ZNF721: variants seen among roughly 807,000 people sequenced by gnomAD.
The protein encoded by ZNF721 is zinc finger protein 721.
Under a neutral mutation model 2.4 loss-of-function variants are expected in ZNF721, and 2 were observed. The observed-to-expected ratio is 0.82, with a 90% confidence interval of 0.34 to 2.58. The LOEUF is 2.58. Ranked by LOEUF, ZNF721 falls within the 30% of genes most tolerant of loss-of-function variation. The pLI, the probability that ZNF721 is intolerant of heterozygous loss-of-function variation, is 0.11. For missense variants in ZNF721, 1,187 were observed against 1,085.5 expected, an observed-to-expected ratio of 1.09 and a Z score of -1.31; for synonymous variants, 398 against 381.8, an observed-to-expected ratio of 1.04 and a Z score of -0.50.
At position 443,390 on chromosome 4, in the gene ZNF721, T is replaced by G. The variant is rs1560224224; in HGVS notation, c.1077A>C (p.Lys359Asn). ...YVHRRIHTGE[K>N]PYKCEDCGKA... ...TGCCACAGTCTTCGCATTTGTAAGG[T>G]TTCTCTCCAGTATGAATTCTCCTAT... The change falls in exon 3 of 3, where the codon AAA (lysine) becomes AAC (asparagine). Residue 359 changes from lysine (K) to asparagine (N), a missense_variant. Transcript: ENST00000511833. 5.6e-6 allele frequency: 9 copies of G among 1,614,106 alleles called. No homozygotes were observed. The highest frequency in any genetic ancestry group is 7.6e-6 in the Non-Finnish European group (9 of 1,179,986).
intron 1 of ZNF721, among the ~76,000 whole-genome samples, chr4:492,064 GA>G (rs1716036390): frequency 6.6e-6 from 1 of 151,836 alleles, no homozygotes; most frequent in Non-Finnish European, 1.5e-5. Flanking sequence ...TCGGGAGGCT[GA>G]GGCAGGAGAA....
At position 481,586 on chromosome 4, in the gene ZNF721, T is replaced by C. The variant is rs1280525839; in HGVS notation, c.-93-8885A>G. 2.0e-5 allele frequency among the ~76,000 whole-genome samples: 3 copies of C among 151,906 alleles called. No homozygotes were observed. In the South Asian group the frequency reaches 6.2e-4, roughly 32 times the overall value. On this transcript the variant is annotated intron_variant, in intron 1 of 2. Coordinates refer to ENST00000511833, the MANE Select transcript of ZNF721 (RefSeq NM_133474.4). ...TTGTTCTTTTCTTTCTTTTTTTTTT[T>C]TTTTGACAGTCTCCCTCTGTCGCCA...
At chr4:468,008 G>C (rs1348771884) in intron 2 of ZNF721, among the ~76,000 whole-genome samples, 3 of 151,834 alleles carry the variant, frequency 2.0e-5, no homozygotes, top group Admixed American at 2.0e-4. Context: ...TGCCGGGTGC[G>C]GTGGCTCACA....
intron 2 of ZNF721, among the ~76,000 whole-genome samples, chr4:470,449 A>G (rs1553867442): frequency 6.6e-6 from 1 of 152,176 alleles, no homozygotes; most frequent in African/African-American, 2.4e-5. Context: ...TGCAAGCGAT[A>G]TACCTGATAA....
intron 2 of ZNF721, among the ~76,000 whole-genome samples, chr4:455,413 CA>C (rs1281765825): frequency 2.0e-5 from 3 of 151,992 alleles, no homozygotes; most frequent in African/African-American, 4.8e-5. Flanking sequence ...ACTAAAAATA[CA>C]AAATTAGCTG....
intron 2 of ZNF721, among the ~76,000 whole-genome samples, chr4:445,647 A>G (rs1714448764): frequency 1.3e-5 from 2 of 152,238 alleles, no homozygotes; most frequent in African/African-American, 4.8e-5. Flanking sequence ...CAGAAAAATC[A>G]GAACATCAAT....
intron 2 of ZNF721, among the ~76,000 whole-genome samples, chr4:472,124 G>A (rs1405373710): frequency 2.0e-5 from 3 of 152,192 alleles, no homozygotes; most frequent in South Asian, 2.1e-4. Context: ...GTTCAATGGC[G>A]CAATCTCGGC....
chr4:475,445 C>T (rs1182708959), intron 1 of ZNF721, among the ~76,000 whole-genome samples: 1 of 152,092 alleles, frequency 6.6e-6, no homozygotes, highest in Non-Finnish European at 1.5e-5. Flanking sequence ...CTCTCTAATA[C>T]TCATTGTGTT....
At chr4:477,798 T>C (rs1387460794) in intron 1 of ZNF721, among the ~76,000 whole-genome samples, 2 of 152,150 alleles carry the variant, frequency 1.3e-5, no homozygotes, top group Non-Finnish European at 1.5e-5. Context: ...CTAAGAGATA[T>C]GCGGGCACAA....
rs1169807439 is a variant in ZNF721, at chr4:443,732, T to C, written c.735A>G (p.Gly245=). The C allele has an allele frequency of 5.0e-6, 8 of 1,613,986 alleles. No homozygotes were observed. In the African/African-American group the frequency reaches 6.7e-5, roughly 13 times the overall value. The change falls in exon 3 of 3, where the codon GGA becomes GGG. Residue 245 remains glycine, a synonymous_variant. Transcript: ENST00000511833. Reference sequence around the variant, plus strand: ...ATTCCTTACATTTGTAGGGTTTCTCTCCAGTATGAATTTTCTCATGTTTAT... The same window carrying C: ...ATTCCTTACATTTGTAGGGTTTCTCCCCAGTATGAATTTTCTCATGTTTAT... ...HLNKHEKIHT[G]EKPYKCKECG...
intron 1 of ZNF721, among the ~76,000 whole-genome samples, chr4:487,406 C>T (rs773084073): frequency 2.0e-5 from 3 of 152,168 alleles, no homozygotes; most frequent in Non-Finnish European, 4.4e-5. Flanking sequence ...CTCCCAGAAG[C>T]GGAGCCACCT....
intron 1 of ZNF721, among the ~76,000 whole-genome samples, chr4:498,017 C>T: frequency 6.6e-6 from 1 of 151,730 alleles, no homozygotes; most frequent in African/African-American, 2.4e-5. Context: ...ACAGCCTGAC[C>T]AACATGGTGA....
At chr4:474,229 T>C (rs546170791) in intron 1 of ZNF721, 34 of 383,362 alleles carry the variant, frequency 8.9e-5, no homozygotes, top group African/African-American at 5.5e-4. Context: ...AGCGCTCTGA[T>C]TGGATATGGG....
At position 442,161 on chromosome 4, in the gene ZNF721, T is replaced by A. The variant is rs1553863262; in HGVS notation, c.2306A>T (p.Asn769Ile). The change falls in exon 3 of 3, where the codon AAT becomes ATT. Residue 769 changes from asparagine (N) to isoleucine (I), a missense_variant. Transcript: ENST00000511833. ...GKVFKQSSHL[N>I]RHEKIHTGKK... ...TCCAGTATGAATTTTCTCATGTCTATTCAGGTGTGAGGACTGTTTAAACAC... is the reference window on the plus strand; with the variant it reads ...TCCAGTATGAATTTTCTCATGTCTAATCAGGTGTGAGGACTGTTTAAACAC... 8.1e-6 allele frequency: 13 copies of A among 1,613,184 alleles called. No homozygotes were observed. Among genetic ancestry groups the A allele is most frequent in the Non-Finnish European group, 1.0e-5 (12 of 1,179,368 alleles).
At chr4:482,049 T>C (rs567058925) in intron 1 of ZNF721, among the ~76,000 whole-genome samples, 4 of 152,370 alleles carry the variant, frequency 2.6e-5, no homozygotes, top group South Asian at 2.1e-4. Flanking sequence ...GGTGTATAAA[T>C]GACCGAATTT....
At position 442,382 on chromosome 4, in the gene ZNF721, T is replaced by C; in HGVS notation, c.2085A>G (p.Lys695=). ...NQHKKIHTGE[K]PYKCEECGKA... ...TGCCACACTCTTCACATTTGTAAGG[T>C]TTTTCTCCAGTATGAATTTTCTTGT... The change falls in exon 3 of 3, where the codon AAA becomes AAG. Residue 695 remains lysine, a synonymous_variant. Coordinates refer to ENST00000511833, the MANE Select transcript of ZNF721 (RefSeq NM_133474.4). 2 of 1,613,944 alleles carry C rather than the reference T, an allele frequency of 1.2e-6. No individual in the cohort carries two copies. Among genetic ancestry groups the C allele is most frequent in the East Asian group, 2.2e-5 (1 of 44,866 alleles).
chr4:473,315 T>C (rs116383831), intron 1 of ZNF721, among the ~76,000 whole-genome samples: 1 of 152,130 alleles, frequency 6.6e-6, no homozygotes, highest in South Asian at 2.1e-4. Flanking sequence ...CCCATTATAG[T>C]ACTACTCGGC....
rs782723826 is a variant in ZNF721 at position 472,646 on chromosome 4, C to T, written c.-38G>A. On this transcript the variant is annotated 5_prime_UTR_variant, in exon 2 of 3. The change abolishes an upstream ATG in the 5' untranslated region. Transcript: ENST00000511833. ...CAAATTCTGCTGGGCAGGGTCCAGG[C>T]ATTTCCACTCTTCTGGAGAGAATTC... 3.8e-5 allele frequency: 62 copies of T among 1,613,910 alleles called. No homozygotes were observed. The highest frequency in any genetic ancestry group is 5.2e-5 in the Non-Finnish European group (61 of 1,180,028).
chr4:497,299 G>A (rs1307455623), intron 1 of ZNF721, among the ~76,000 whole-genome samples: 3 of 151,832 alleles, frequency 2.0e-5, no homozygotes, highest in African/African-American at 7.3e-5. Context: ...GGAGGAACAA[G>A]GTCCCAGATT....
Sources: allele counts gnomAD v4.1 joint callset (sites outside exome capture counted in the v4.1 genomes callset), GRCh38; gene constraint gnomAD v4.1.1; transcripts MANE v1.5; gene names NCBI Gene and HGNC (gene_info 2026-07-23, HGNC 2026-07-21).